The following COL11A1 variants were observed in gnomAD, a reference collection of about 807,000 sequenced individuals.
COL11A1 encodes collagen type XI alpha 1 chain.
COL11A1 carries 74 observed loss-of-function variants against 265.2 expected under a neutral mutation model. The ratio of observed to expected loss-of-function variants is 0.28; its 90% CI spans 0.23 to 0.34. COL11A1 has a LOEUF of 0.34. Ranked by LOEUF, COL11A1 falls within the 10% of genes least tolerant of loss-of-function variation. COL11A1 has a pLI of 1.00. For missense variants in COL11A1, 2,165 were observed against 2,263.6 expected (o/e 0.96, Z 0.88); for synonymous variants, 816 against 727.6 (o/e 1.12, Z -1.96).
intron 57 of COL11A1, among the ~76,000 whole-genome samples, chr1:102,897,445 T>A (rs150090717): frequency 0.017 from 2,540 of 150,090 alleles, 66 homozygotes; most frequent in African/African-American, 0.055. Flanking sequence ...GAAAAAAAAA[T>A]ATATATATAT....
At chr1:102,938,497 C>T (rs72683274) in intron 44 of COL11A1, among the ~76,000 whole-genome samples, 2 of 151,950 alleles carry the variant, frequency 1.3e-5, no homozygotes, top group Admixed American at 6.6e-5. Context: ...TAACATATTT[C>T]ATTTAAGAAG....
intron 1 of COL11A1, among the ~76,000 whole-genome samples, chr1:103,088,507 AT>A (rs1673050456): frequency 1.3e-5 from 2 of 152,234 alleles, no homozygotes; most frequent in Admixed American, 1.3e-4. Context: ...ATGTTGAAAA[AT>A]AAAAGGACAA....
chr1:103,070,401 A>C lies in COL11A1; in HGVS notation c.651+4217T>G, dbSNP rs1459439380. Among the ~76,000 whole-genome samples the C allele has an allele frequency of 7.9e-5, 12 of 151,642 alleles. 1 individual carries two copies. On this transcript the variant is annotated intron_variant, in intron 4 of 66. Transcript: ENST00000370096. The stretch of plus-strand genomic sequence containing the variant: ...AAATATTTGAAAAACCAATCAACAT[A>C]ATTCGACATACTATTAATAACAAGG...
chr1:102,962,912 A>C, intron 38 of COL11A1, 152 bp from the exon 39 acceptor site: 1 of 700,200 alleles, frequency 1.4e-6, no homozygotes, highest in Non-Finnish European at 2.5e-6. Flanking sequence ...AAAGCACTGA[A>C]AGTAGCATAT....
intron 1 of COL11A1, among the ~76,000 whole-genome samples, chr1:103,096,172 C>T (rs1217463958): frequency 2.0e-5 from 3 of 151,694 alleles, no homozygotes; most frequent in African/African-American, 7.3e-5. Flanking sequence ...GCTTTCAGAC[C>T]ACTGGGTCTG....
At chr1:102,895,664 G>A (rs914873245) in intron 57 of COL11A1, among the ~76,000 whole-genome samples, 13 of 151,732 alleles carry the variant, frequency 8.6e-5, no homozygotes, top group Non-Finnish European at 5.9e-5. Flanking sequence ...TCCAAATCTC[G>A]TTAATCTCAC....
At chr1:103,046,440 T>G (rs999231406) in intron 4 of COL11A1, among the ~76,000 whole-genome samples, 23 of 151,956 alleles carry the variant, frequency 1.5e-4, no homozygotes, top group African/African-American at 5.6e-4. Flanking sequence ...TTGCCCACTT[T>G]TTGATGGGGT....
chr1:103,085,735 T>C (rs1672800220), intron 1 of COL11A1, among the ~76,000 whole-genome samples: 1 of 152,216 alleles, frequency 6.6e-6, no homozygotes, highest in African/African-American at 2.4e-5. Context: ...TTTTTTGCAC[T>C]AGTCCTGCTT....
In COL11A1 at chr1:102,940,580, C is replaced by A. The variant is rs560822572; in HGVS notation, c.3277-146G>T. On this transcript the variant is annotated intron_variant, in intron 42 of 66. Transcript: ENST00000370096. ...AGAATAAATGATACATGTTCCCTAC[C>A]TTCATTTGTGACTAAGAATACTATT... 4 of 645,576 alleles carry A rather than the reference C, an allele frequency of 6.2e-6. No homozygotes were observed. In the East Asian group the frequency reaches 8.3e-5, roughly 13 times the overall value. 40.0% of individuals were successfully genotyped at this position (645,576 alleles called of 1,614,324 possible). A position where few individuals can be genotyped will look rare whatever the true frequency, so the allele number is the denominator to read the frequency against.
intron 44 of COL11A1, among the ~76,000 whole-genome samples, chr1:102,937,823 G>A (rs536794277): frequency 1.3e-5 from 2 of 152,106 alleles, no homozygotes; most frequent in East Asian, 3.9e-4. Context: ...TCCAGCCTCG[G>A]GTATTCATTT....
intron 4 of COL11A1, among the ~76,000 whole-genome samples, chr1:103,072,460 A>C (rs963102854): frequency 6.6e-6 from 1 of 151,900 alleles, no homozygotes; most frequent in Non-Finnish European, 1.5e-5. Flanking sequence ...TTTATAAAAC[A>C]CTAACATAAT....
At chr1:103,038,476 G>C (rs1668549981) in intron 4 of COL11A1, among the ~76,000 whole-genome samples, 2 of 151,968 alleles carry the variant, frequency 1.3e-5, no homozygotes, top group African/African-American at 4.8e-5. Context: ...TCTCCAAAAA[G>C]AGAGAGAGCG....
At chr1:102,970,950 G>T (rs1020299510) in intron 36 of COL11A1, among the ~76,000 whole-genome samples, 9 of 151,842 alleles carry the variant, frequency 5.9e-5, no homozygotes, top group Non-Finnish European at 7.4e-5. Context: ...GGAGGCGGAG[G>T]TTGCAGTGAG....
intron 9 of COL11A1, among the ~76,000 whole-genome samples, chr1:103,021,372 T>A (rs530407952): frequency 6.6e-6 from 1 of 152,176 alleles, no homozygotes; most frequent in African/African-American, 2.4e-5. Flanking sequence ...AAGCTAAAAG[T>A]CCTATTATAT....
intron 46 of COL11A1, among the ~76,000 whole-genome samples, chr1:102,927,998 C>T (rs370798351): frequency 6.6e-6 from 1 of 152,060 alleles, no homozygotes; most frequent in East Asian, 1.9e-4. Context: ...GTCTCCAGAT[C>T]CGCCCCTGTC....
intron 38 of COL11A1, among the ~76,000 whole-genome samples, chr1:102,963,238 T>C (rs191577136): frequency 6.6e-6 from 1 of 152,248 alleles, no homozygotes; most frequent in East Asian, 1.9e-4. Context: ...CTCCCTGGAA[T>C]TTCCATGGAC....
intron 1 of COL11A1, among the ~76,000 whole-genome samples, chr1:103,096,612 T>C (rs1402988855): frequency 6.6e-6 from 1 of 151,760 alleles, no homozygotes; most frequent in Non-Finnish European, 1.5e-5. Context: ...ACTTTAGGAG[T>C]TGACAGCCTA....
chr1:102,965,543 A>T lies in COL11A1; in HGVS notation c.2863-3T>A, dbSNP rs771325957. ...GGGCCGGTCTTGCCTTGAAATCCCT[A>T]AGGAGGCAAAGTATTATTTGTAAAA... is the stretch of plus-strand genomic sequence containing the variant. On this transcript the variant is annotated splice_polypyrimidine_tract_variant and splice_region_variant and intron_variant, in intron 37 of 66. Coordinates refer to ENST00000370096, the MANE Select transcript of COL11A1 (RefSeq NM_001854.4). 2 of 1,612,690 alleles carry T rather than the reference A, an allele frequency of 1.2e-6. No individual in the cohort carries two copies. Among genetic ancestry groups the T allele is most frequent in the Middle Eastern group, 1.7e-4 (1 of 6,058 alleles).
chr1:103,040,485 TA>T (rs1571123387), intron 4 of COL11A1, among the ~76,000 whole-genome samples: 1 of 151,570 alleles, frequency 6.6e-6, no homozygotes, highest in South Asian at 2.1e-4. Context: ...AACTCTTATG[TA>T]AAAATTTAAA....
Sources: gnomAD v4.1 joint callset for allele counts (sites outside exome capture counted in the v4.1 genomes callset) on GRCh38, gnomAD v4.1.1 for gene constraint, MANE v1.5 for transcripts, NCBI Gene and HGNC (gene_info 2026-07-23, HGNC 2026-07-21) for gene names.